The following ECM2 variants were observed in gnomAD, a reference collection of about 807,000 sequenced individuals.
ECM2 encodes extracellular matrix protein 2.
Under a neutral mutation model 67.5 loss-of-function variants are expected in ECM2, and 57 were observed. The ratio of observed to expected loss-of-function variants is 0.84; its 90% CI spans 0.68 to 1.05. The LOEUF (loss-of-function observed/expected upper bound fraction) is 1.05. Among genes scored for constraint, ECM2 ranks in the 50% least tolerant of loss-of-function variants. The pLI is 0.00. For missense variants in ECM2, 741 were observed against 822.8 expected (o/e 0.90, Z 1.22); for synonymous variants, 258 against 294.5 (o/e 0.88, Z 1.27).
At chr9:92,545,612 C>T in the ECM2 span, among the ~76,000 whole-genome samples, 2 of 152,210 alleles carry the variant, frequency 1.3e-5, no homozygotes, top group South Asian at 2.1e-4. Flanking sequence ...CACTGACCGC[C>T]CAAGGGCTGA....
chr9:92,556,021 G>A, the ECM2 span, among the ~76,000 whole-genome samples: 3 of 152,146 alleles, frequency 2.0e-5, no homozygotes, highest in African/African-American at 4.8e-5. Context: ...TGATGTGGGC[G>A]TTTAGGGCTA....
chr9:92,551,925 GTA>G, the ECM2 span, among the ~76,000 whole-genome samples: 5,957 of 84,410 alleles, frequency 0.071, 422 homozygotes, highest in South Asian at 0.13. Flanking sequence ...TGGTGTGTGT[GTA>G]TATATATATA....
At chr9:92,517,353 G>A (rs969453502) in intron 3 of ECM2, 5 of 476,536 alleles carry the variant, frequency 1.0e-5, no homozygotes, top group African/African-American at 9.8e-5. Flanking sequence ...TGCACATATA[G>A]ACCAAAGCAG....
upstream of ECM2, among the ~76,000 whole-genome samples, chr9:92,537,252 G>A (rs1849204180): frequency 6.6e-6 from 1 of 152,056 alleles, no homozygotes; most frequent in Non-Finnish European, 1.5e-5. Context: ...AAATGACGTG[G>A]TTAGACTGAA....
At chr9:92,505,078 A>T (rs369904047) in intron 7 of ECM2, among the ~76,000 whole-genome samples, 2 of 152,210 alleles carry the variant, frequency 1.3e-5, no homozygotes, top group African/African-American at 4.8e-5. Flanking sequence ...TTCTTTGTAC[A>T]ACACTTGTAT....
At chr9:92,546,954 T>C in the ECM2 span, among the ~76,000 whole-genome samples, 1 of 152,180 alleles carries the variant, frequency 6.6e-6, no homozygotes, top group Non-Finnish European at 1.5e-5. Context: ...CCAGCATAAC[T>C]ATATTACAAA....
chr9:92,502,195 C>T (rs1000736967), intron 8 of ECM2, among the ~76,000 whole-genome samples: 10 of 152,172 alleles, frequency 6.6e-5, no homozygotes, highest in African/African-American at 2.2e-4. Context: ...GGGCAGACCT[C>T]GAAGTCAGAC....
chr9:92,518,293 C>T (rs537055489), intron 2 of ECM2, among the ~76,000 whole-genome samples: 30 of 152,254 alleles, frequency 2.0e-4, no homozygotes, highest in Admixed American at 3.9e-4. Context: ...CTGATCACTG[C>T]GGTAGTGGAA....
chr9:92,494,247 T>C, downstream of ECM2: 1 of 1,209,260 alleles, frequency 8.3e-7, no homozygotes. Context: ...CCTTATTCAG[T>C]TTGAGCCCCC....
intron 8 of ECM2, 134 bp downstream of exon 8, chr9:92,502,379 G>A: frequency 1.8e-6 from 2 of 1,137,506 alleles, no homozygotes; most frequent in Non-Finnish European, 2.5e-6. Flanking sequence ...GGTTCACTAA[G>A]AAACGATTCT....
chr9:92,544,628 A>G, the ECM2 span, among the ~76,000 whole-genome samples: 1 of 152,128 alleles, frequency 6.6e-6, no homozygotes, highest in African/African-American at 2.4e-5. Context: ...AAACTAGTAA[A>G]AGCTGTGGCA....
chr9:92,547,693 G>C, the ECM2 span, among the ~76,000 whole-genome samples: 1,229 of 152,300 alleles, frequency 8.1e-3, 6 homozygotes, highest in Non-Finnish European at 0.012. Context: ...ATGGGTACAG[G>C]GTTTCTTTAT....
chr9:92,524,499 C>A (rs1225824293), intron 1 of ECM2, among the ~76,000 whole-genome samples: 1 of 152,098 alleles, frequency 6.6e-6, no homozygotes, highest in African/African-American at 2.4e-5. Context: ...TCTCTCTTGG[C>A]CTAAAGTTAG....
chr9:92,523,056 ATTC>A (rs1310734048), intron 1 of ECM2, among the ~76,000 whole-genome samples, 163 bp from the exon 2 acceptor site: 1 of 152,086 alleles, frequency 6.6e-6, no homozygotes, highest in Non-Finnish European at 1.5e-5. Context: ...ATAATTTGGA[ATTC>A]TTCTATCAGA....
intron 1 of ECM2, among the ~76,000 whole-genome samples, chr9:92,525,893 C>CAAAA (rs71362395): frequency 1.6e-4 from 7 of 43,888 alleles, no homozygotes; most frequent in African/African-American, 2.5e-4. Context: ...ACTCTATCTC[C>CAAAA]AAAAAAAAAA....
chr9:92,526,090 C>G (rs918009485), intron 1 of ECM2, among the ~76,000 whole-genome samples: 3 of 151,988 alleles, frequency 2.0e-5, no homozygotes, highest in African/African-American at 2.4e-5. Flanking sequence ...GGAGGTATTT[C>G]AGAAGAAGGC....
the ECM2 span, among the ~76,000 whole-genome samples, chr9:92,555,356 A>G: frequency 6.7e-6 from 1 of 149,818 alleles, no homozygotes; most frequent in Non-Finnish European, 1.5e-5. Flanking sequence ...CCTCCCGAGT[A>G]GCTGGGATTA....
the ECM2 span, among the ~76,000 whole-genome samples, chr9:92,545,186 T>A: frequency 6.6e-6 from 1 of 152,140 alleles, no homozygotes; most frequent in Non-Finnish European, 1.5e-5. Flanking sequence ...CTGTGGGAGC[T>A]CCTTCCTGGG....
chr9:92,546,310 T>C, the ECM2 span, among the ~76,000 whole-genome samples: 10 of 152,198 alleles, frequency 6.6e-5, no homozygotes, highest in East Asian at 3.8e-4. Flanking sequence ...CTGCCCAAGC[T>C]AGCCCTGACA....
Sources: allele counts gnomAD v4.1 joint callset (sites outside exome capture counted in the v4.1 genomes callset), GRCh38; gene constraint gnomAD v4.1.1; transcripts MANE v1.5; gene names NCBI Gene and HGNC (gene_info 2026-07-23, HGNC 2026-07-21).